The following PDE4D variants were observed in gnomAD, a reference collection of about 807,000 sequenced individuals.
PDE4D encodes 3',5'-cyclic-AMP phosphodiesterase 4D.
A neutral mutation model predicts 87.4 loss-of-function variants in PDE4D; 24 were observed. The ratio of observed to expected loss-of-function variants is 0.27; its 90% CI spans 0.20 to 0.39. The LOEUF (loss-of-function observed/expected upper bound fraction) is 0.39, where lower values mean the gene tolerates loss of function less well. Among genes scored for constraint, PDE4D ranks in the 10% least tolerant of loss-of-function variants. PDE4D has a pLI of 1.00. For synonymous variants in PDE4D, 384 were observed against 383.2 expected (o/e 1.00, Z -0.02); for missense variants, 714 against 1,041.0 (o/e 0.69, Z 4.32).
chr5:59,313,779 T>C (rs1054688697), intron 1 of PDE4D, among the ~76,000 whole-genome samples: 5 of 152,124 alleles, frequency 3.3e-5, no homozygotes, highest in African/African-American at 1.2e-4. Flanking sequence ...CCCAGGTCCT[T>C]ATTAAAACCT....
At chr5:59,897,038 T>C (rs528632439), upstream of PDE4D, among the ~76,000 whole-genome samples, 6 of 152,236 alleles carry the variant, frequency 3.9e-5, no homozygotes, top group Non-Finnish European at 5.9e-5. Flanking sequence ...AGAGAGATTT[T>C]TGTGAAGCAT....
At chr5:59,311,499 C>CA (rs35020719) in intron 1 of PDE4D, among the ~76,000 whole-genome samples, 1,737 of 43,264 alleles carry the variant, frequency 0.04, 219 homozygotes, top group East Asian at 0.12. Flanking sequence ...GACTCTGTCT[C>CA]AAAAAAAAAA....
chr5:59,426,819 G>A (rs1473799189), intron 1 of PDE4D, among the ~76,000 whole-genome samples: 1 of 151,854 alleles, frequency 6.6e-6, no homozygotes, highest in Non-Finnish European at 1.5e-5. Context: ...TTACATTATA[G>A]CAAGACAACA....
At chr5:60,012,457 A>C (rs1765106400) in intron 2 of PDE4D, among the ~76,000 whole-genome samples, 1 of 152,234 alleles carries the variant, frequency 6.6e-6, no homozygotes, top group African/African-American at 2.4e-5. Flanking sequence ...AGACTGAAAT[A>C]ATAATCAGCA....
chr5:60,141,175 A>G (rs1582840691), intron 2 of PDE4D, among the ~76,000 whole-genome samples: 2 of 152,270 alleles, frequency 1.3e-5, no homozygotes, highest in Admixed American at 1.3e-4. Context: ...ATGTGCCCCA[A>G]ATCAAAATTC....
rs1483263320 is a variant in PDE4D at position 60,267,119 on chromosome 5, TAA to T, written c.-89-81434_-89-81433del. The stretch of plus-strand genomic sequence containing the variant: ...CGCCAATACATATAGAATAAGGACG[TAA>T]AACTGTCCGTGTGTTTCCGTTACAT... On this transcript the variant is annotated intron_variant, in intron 1 of 16. Coordinates refer to the PDE4D transcript ENST00000502484. Among the ~76,000 whole-genome samples, 3 of 152,184 alleles carry T rather than the reference TAA, an allele frequency of 2.0e-5. No individual in the cohort carries two copies. The South Asian group carries it at 6.2e-4, about 31-fold the overall frequency.
intron 5 of PDE4D, among the ~76,000 whole-genome samples, chr5:59,147,038 T>C (rs1778769147): frequency 6.6e-6 from 1 of 152,144 alleles, no homozygotes; most frequent in Non-Finnish European, 1.5e-5. Context: ...GAACTGTGCA[T>C]GCGAGGCATC....
At chr5:59,138,777 G>A (rs1426178406) in intron 5 of PDE4D, among the ~76,000 whole-genome samples, 1 of 152,158 alleles carries the variant, frequency 6.6e-6, no homozygotes, top group African/African-American at 2.4e-5. Context: ...ATTTTAGCTT[G>A]ATTACATTTT....
upstream of PDE4D, among the ~76,000 whole-genome samples, chr5:59,895,538 G>A (rs1751540970): frequency 6.6e-6 from 1 of 152,156 alleles, no homozygotes; most frequent in Admixed American, 6.5e-5. Context: ...TGGTGGCAGT[G>A]GTCAAAGTAT....
chr5:59,709,365 T>C (rs1461694017), intron 1 of PDE4D, among the ~76,000 whole-genome samples: 1 of 152,156 alleles, frequency 6.6e-6, no homozygotes. Context: ...CAACTGACAC[T>C]GATTCCTGGG....
At chr5:60,108,045 G>A (rs373717570) in intron 2 of PDE4D, among the ~76,000 whole-genome samples, 12 of 152,150 alleles carry the variant, frequency 7.9e-5, no homozygotes, top group East Asian at 5.8e-4. Context: ...AGGGTATTCA[G>A]TTAGGAAAAG....
chr5:60,129,268 C>T (rs982867235), intron 2 of PDE4D, among the ~76,000 whole-genome samples: 1 of 152,194 alleles, frequency 6.6e-6, no homozygotes, highest in Non-Finnish European at 1.5e-5. Context: ...ATGCATATTT[C>T]ATATGCTTAA....
intron 1 of PDE4D, among the ~76,000 whole-genome samples, chr5:60,222,242 G>A (rs1184115569): frequency 2.0e-5 from 3 of 152,014 alleles, no homozygotes; most frequent in Non-Finnish European, 4.4e-5. Flanking sequence ...GCAAGGAACT[G>A]AGGTCTCTGG....
At chr5:59,808,130 G>A (rs1767948832) in intron 1 of PDE4D, among the ~76,000 whole-genome samples, 1 of 152,218 alleles carries the variant, frequency 6.6e-6, no homozygotes, top group Non-Finnish European at 1.5e-5. Flanking sequence ...CACTAGGCAT[G>A]TGCCAAACCC....
At chr5:59,377,052 G>A (rs1784847984) in intron 1 of PDE4D, among the ~76,000 whole-genome samples, 1 of 152,116 alleles carries the variant, frequency 6.6e-6, no homozygotes, top group Non-Finnish European at 1.5e-5. Context: ...ATAGTTAAAT[G>A]TAAAACCCAA....
intron 1 of PDE4D, among the ~76,000 whole-genome samples, chr5:59,228,333 A>G (rs980392501): frequency 1.3e-5 from 2 of 152,024 alleles, no homozygotes; most frequent in African/African-American, 4.8e-5. Context: ...CTGGGTGACA[A>G]AATAATATGT....
At chr5:60,357,153 C>CA (rs57121664) in intron 1 of PDE4D, among the ~76,000 whole-genome samples, 2,242 of 141,832 alleles carry the variant, frequency 0.016, 29 homozygotes, top group African/African-American at 0.043. Flanking sequence ...GCAGCAATAC[C>CA]AAAAAAAAAA....
At chr5:60,332,411 C>T (rs1479793039) in intron 1 of PDE4D, among the ~76,000 whole-genome samples, 1 of 152,112 alleles carries the variant, frequency 6.6e-6, no homozygotes, top group African/African-American at 2.4e-5. Context: ...TTATAAGCAG[C>T]TACCACTAAT....
chr5:60,358,546 T>C (rs928813166), intron 1 of PDE4D, among the ~76,000 whole-genome samples: 1 of 152,116 alleles, frequency 6.6e-6, no homozygotes, highest in African/African-American at 2.4e-5. Context: ...AGCACTGCCT[T>C]TGGCTTCACA....
Sources: gnomAD v4.1 joint callset for allele counts (sites outside exome capture counted in the v4.1 genomes callset) on GRCh38, gnomAD v4.1.1 for gene constraint, MANE v1.5 for transcripts, NCBI Gene and HGNC (gene_info 2026-07-23, HGNC 2026-07-21) for gene names.